The following ECHS1 variants were observed in gnomAD, a reference collection of about 807,000 sequenced individuals.
ECHS1 encodes enoyl-CoA hydratase, mitochondrial.
ECHS1 carries 19 observed loss-of-function variants against 33.5 expected under a neutral mutation model. That is an observed-to-expected ratio of 0.57 (90% CI 0.40 to 0.83). The LOEUF (loss-of-function observed/expected upper bound fraction) is 0.83, where lower values mean the gene tolerates loss of function less well. Among genes scored for constraint, ECHS1 ranks in the 40% least tolerant of loss-of-function variants. ECHS1 has a pLI of 0.00. For synonymous variants in ECHS1, 158 were observed against 146.6 expected (o/e 1.08, Z -0.56); for missense variants, 365 against 381.3 (o/e 0.96, Z 0.36).
In ECHS1 at chr10:133,368,975, G is replaced by A. The variant is rs368985189; in HGVS notation, c.462C>T (p.Ala154=). The A allele has an allele frequency of 1.1e-4, 179 of 1,613,552 alleles. No homozygotes were observed. Among genetic ancestry groups the A allele is most frequent in the Non-Finnish European group, 1.3e-4 (153 of 1,179,938 alleles). Residue 154 remains alanine, a synonymous_variant, in exon 4 of 8, where the codon GCC becomes GCT. Transcript: ENST00000368547. ...ELAMMCDIIY[A]GEKAQFAQPE... The stretch of plus-strand genomic sequence containing the variant: ...GCTGTGCAAACTGGGCCTTCTCACC[G>A]GCATAGATGATATCACACATCATGG...
At chr10:133,369,439 ATC>A (rs1849074789) in intron 3 of ECHS1, among the ~76,000 whole-genome samples, 1 of 26,718 alleles carries the variant, frequency 3.7e-5, no homozygotes, top group African/African-American at 6.0e-5. Flanking sequence ...TCATGAAATG[ATC>A]ACAATCCGCA....
At chr10:133,366,824 T>TG (rs1849040572) in intron 5 of ECHS1, 65 bp downstream of exon 5, 1 of 1,320,876 alleles carries the variant, frequency 7.6e-7, no homozygotes, top group African/African-American at 1.5e-5. Context: ...GATGCCGCCC[T>TG]GGGTTTCTGT....
chr10:133,368,682 G>T (rs564133574), intron 4 of ECHS1, among the ~76,000 whole-genome samples: 1 of 152,210 alleles, frequency 6.6e-6, no homozygotes, highest in South Asian at 2.1e-4. Context: ...CGTTACCCAG[G>T]ACCAGCCTCT....
chr10:133,369,120 T>G (rs2133442089), intron 3 of ECHS1, 98 bp from the exon 4 acceptor site: 2 of 1,141,920 alleles, frequency 1.8e-6, no homozygotes, highest in Non-Finnish European at 2.6e-6. Flanking sequence ...AGAAACAGTG[T>G]TGGGGGTATG....
intron 1 of ECHS1, among the ~76,000 whole-genome samples, chr10:133,372,300 A>G (rs1849118644): frequency 6.6e-6 from 1 of 152,224 alleles, no homozygotes; most frequent in African/African-American, 2.4e-5. Context: ...TCCCCAGCCC[A>G]AGGCATGGCC....
At chr10:133,370,494 T>C in intron 2 of ECHS1, 66 bp downstream of exon 2, 1 of 1,420,602 alleles carries the variant, frequency 7.0e-7, no homozygotes, top group Non-Finnish European at 9.3e-7. Flanking sequence ...GTCTGGAGGC[T>C]TCTCCCAAGG....
chr10:133,367,132 A>T, intron 4 of ECHS1, 139 bp from the exon 5 acceptor site: 1 of 646,640 alleles, frequency 1.5e-6, no homozygotes, highest in Non-Finnish European at 2.7e-6. Context: ...AGGCAGCACA[A>T]GAGCCCGGGA....
In ECHS1 at chr10:133,370,511, G is replaced by A. The variant is rs185960142; in HGVS notation, c.286+49C>T. The A allele has an allele frequency of 1.0e-5, 15 of 1,453,920 alleles. No individual in the cohort carries two copies. The African/African-American group carries it at 1.7e-4, about 17-fold the overall frequency. The allele number at this position is 1,453,920 out of a possible 1,614,324, so 90.1% of individuals were successfully genotyped here. A position where few individuals can be genotyped will look rare whatever the true frequency, so the allele number is the denominator to read the frequency against. On this transcript the variant is annotated intron_variant, in intron 2 of 7. Coordinates refer to ENST00000368547, the MANE Select transcript of ECHS1 (RefSeq NM_004092.4). ...CTGGAGGCTTCTCCCAAGGCCATAC[G>A]TGCCTCCCACATCTGCCCAGACACA...
At chr10:133,370,301 C>T (rs1021520011) in intron 2 of ECHS1, among the ~76,000 whole-genome samples, 1 of 152,260 alleles carries the variant, frequency 6.6e-6, no homozygotes, top group Non-Finnish European at 1.5e-5. Flanking sequence ...AAGCCCTTGA[C>T]ACACACAAAG....
In ECHS1 at chr10:133,370,541, C is replaced by A; in HGVS notation, c.286+19G>T. On this transcript the variant is annotated intron_variant, in intron 2 of 7. Coordinates refer to ENST00000368547, the MANE Select transcript of ECHS1 (RefSeq NM_004092.4). ...TCCCACATCTGCCCAGACACAAAGG[C>A]CTCTGCTGCCGCGCGTACCTGCAAA... 1 of 1,508,700 alleles carries A rather than the reference C, an allele frequency of 6.6e-7. No individual in the cohort carries two copies. Among genetic ancestry groups the A allele is most frequent in the Non-Finnish European group, 8.9e-7 (1 of 1,126,156 alleles). 93.5% of individuals were successfully genotyped at this position (1,508,700 alleles called of 1,614,324 possible).
At chr10:133,363,927 A>T (rs540354558) in intron 7 of ECHS1, among the ~76,000 whole-genome samples, 1 of 152,188 alleles carries the variant, frequency 6.6e-6, no homozygotes, top group South Asian at 2.1e-4. Context: ...GGAATGATCT[A>T]AAAAAACATG....
In ECHS1 at chr10:133,362,718, G is replaced by T; in HGVS notation, c.*150C>A. 1.2e-6 allele frequency: 1 copy of T among 814,842 alleles called. No individual in the cohort carries two copies. Among genetic ancestry groups the T allele is most frequent in the Non-Finnish European group, 2.0e-6 (1 of 490,010 alleles). 50.5% of individuals were successfully genotyped at this position (814,842 alleles called of 1,614,324 possible). A position where few individuals can be genotyped will look rare whatever the true frequency, so the allele number is the denominator to read the frequency against. ...TGGGTGACGAAGGCTGTCATGCCGTGAGAGGTCGGGCCACGACCACGCAGC... is the reference window on the plus strand; with the variant it reads ...TGGGTGACGAAGGCTGTCATGCCGTTAGAGGTCGGGCCACGACCACGCAGC... On this transcript the variant is annotated 3_prime_UTR_variant, in exon 8 of 8. Coordinates refer to ENST00000368547, the MANE Select transcript of ECHS1 (RefSeq NM_004092.4).
intron 4 of ECHS1, among the ~76,000 whole-genome samples, chr10:133,367,924 A>G (rs1190079182): frequency 6.6e-6 from 1 of 152,098 alleles, no homozygotes. Flanking sequence ...CACCTTGTCA[A>G]TCACTTAGAG....
intron 5 of ECHS1, 146 bp downstream of exon 5, chr10:133,366,742 TG>T: frequency 1.6e-6 from 1 of 618,194 alleles, no homozygotes; most frequent in Admixed American, 2.6e-5. Context: ...AGGGTTTCTG[TG>T]GGGCACCCAT....
chr10:133,364,901 T>C (rs896616785), intron 6 of ECHS1, among the ~76,000 whole-genome samples, 176 bp from the exon 7 acceptor site: 3 of 152,172 alleles, frequency 2.0e-5, no homozygotes, highest in African/African-American at 7.2e-5. Context: ...AGCGGAGACC[T>C]GGCAGAACCA....
intron 6 of ECHS1, 46 bp from the exon 7 acceptor site, chr10:133,364,771 G>GGAAAAGTTCTGCATGT: frequency 6.6e-7 from 1 of 1,510,590 alleles, no homozygotes; most frequent in Non-Finnish European, 9.2e-7. Context: ...ATTACATGCA[G>GGAAAAGTTCTGCATGT]AACTTTTCCT....
intron 6 of ECHS1, among the ~76,000 whole-genome samples, chr10:133,365,084 G>A (rs557723928): frequency 2.9e-4 from 44 of 152,388 alleles, no homozygotes; most frequent in Admixed American, 2.5e-3. Context: ...AGGAAGGACA[G>A]CACGAGAGCC....
At chr10:133,365,462 T>G (rs1849015813) in intron 6 of ECHS1, among the ~76,000 whole-genome samples, 1 of 152,180 alleles carries the variant, frequency 6.6e-6, no homozygotes, top group Non-Finnish European at 1.5e-5. Flanking sequence ...TGAGAATAAA[T>G]TGTGACATTA....
chr10:133,365,905 A>T (rs1219992139), intron 6 of ECHS1, 71 bp downstream of exon 6: 1 of 1,580,714 alleles, frequency 6.3e-7, no homozygotes, highest in East Asian at 2.2e-5. Context: ...TGGAGCCAGA[A>T]AGCCTGCTGC....
Sources: gnomAD v4.1 joint callset for allele counts (sites outside exome capture counted in the v4.1 genomes callset) on GRCh38, gnomAD v4.1.1 for gene constraint, MANE v1.5 for transcripts, NCBI Gene and HGNC (gene_info 2026-07-23, HGNC 2026-07-21) for gene names.